Variants in SDK1 observed in about 807,000 individuals in gnomAD.
SDK1 encodes the protein protein sidekick-1.
Under a neutral mutation model 245.5 loss-of-function variants are expected in SDK1, and 157 were observed. That is an observed-to-expected ratio of 0.64 (90% CI 0.56 to 0.73). SDK1 has a LOEUF of 0.73. Among genes scored for constraint, SDK1 ranks in the 30% least tolerant of loss-of-function variants. The pLI is 0.00. For synonymous variants in SDK1, 1,647 were observed against 1,278.5 expected (o/e 1.29, Z -6.15); for missense variants, 3,583 against 3,002.3 (o/e 1.19, Z -4.52).
intron 7 of SDK1, among the ~76,000 whole-genome samples, chr7:3,956,486 C>T (rs1033968105): frequency 2.6e-5 from 4 of 152,176 alleles, no homozygotes; most frequent in Admixed American, 1.3e-4. Flanking sequence ...TCAGAGGCCA[C>T]GCAGGGCATG....
intron 1 of SDK1, among the ~76,000 whole-genome samples, chr7:3,448,464 A>AT (rs35472888): frequency 0.024 from 3,625 of 150,456 alleles, 74 homozygotes; most frequent in African/African-American, 0.048. Flanking sequence ...GGTTTAGGGT[A>AT]TTTTTTTTTG....
At chr7:3,496,707 C>T (rs564912540) in intron 1 of SDK1, among the ~76,000 whole-genome samples, 7 of 152,056 alleles carry the variant, frequency 4.6e-5, no homozygotes, top group South Asian at 2.1e-4. Context: ...GTCTGTGTTC[C>T]GACTACTTTA....
chr7:3,807,787 G>T (rs56316331), intron 4 of SDK1, among the ~76,000 whole-genome samples: 3 of 152,040 alleles, frequency 2.0e-5, no homozygotes, highest in African/African-American at 7.3e-5. Flanking sequence ...AGTCTTGATT[G>T]TTCATGTTCT....
chr7:4,170,228 C>T lies in SDK1; in HGVS notation c.4801-3994C>T, dbSNP rs536380277. ...TTTGAAAGAGCAGACTGCAGGATCA[C>T]CTAAGCCCAGTAGTTCGAGACCAGC... is the stretch of plus-strand genomic sequence containing the variant. On this transcript the variant is annotated intron_variant, in intron 32 of 44. Coordinates refer to ENST00000404826, the MANE Select transcript of SDK1 (RefSeq NM_152744.4). 1.3e-5 allele frequency among the ~76,000 whole-genome samples: 2 copies of T among 152,280 alleles called. 1 individual carries two copies. The highest frequency in any genetic ancestry group is 4.8e-5 in the African/African-American group (2 of 41,570).
chr7:3,350,977 G>C (rs58713621), intron 1 of SDK1, among the ~76,000 whole-genome samples: 9 of 152,082 alleles, frequency 5.9e-5, no homozygotes, highest in African/African-American at 2.2e-4. Context: ...ACATCTGGTT[G>C]CCCCAAGAAT....
intron 2 of SDK1, among the ~76,000 whole-genome samples, chr7:3,622,316 A>C (rs1055726314): frequency 1.3e-5 from 2 of 152,100 alleles, no homozygotes; most frequent in African/African-American, 2.4e-5. Flanking sequence ...CCCCATCTCT[A>C]CTAAAAATAC....
In SDK1 at chr7:3,305,307, T is replaced by C. The variant is rs185190284; in HGVS notation, c.298+3423T>C. Among the ~76,000 whole-genome samples the C allele has an allele frequency of 1.6e-4, 25 of 152,330 alleles. No individual in the cohort carries two copies. The East Asian group carries it at 4.6e-3, about 28-fold the overall frequency. ...ATGCATTTAAAAACTCCTCAAGTGA[T>C]TCTTGTATGTTTGTGTTACTTTTTT... On this transcript the variant is annotated intron_variant, in intron 1 of 44. Coordinates refer to ENST00000404826, the MANE Select transcript of SDK1 (RefSeq NM_152744.4).
intron 1 of SDK1, among the ~76,000 whole-genome samples, chr7:3,424,981 A>G (rs1301812491): frequency 6.6e-6 from 1 of 152,188 alleles, no homozygotes; most frequent in Non-Finnish European, 1.5e-5. Context: ...TTGAAGTAGC[A>G]GGGCTGACCA....
intron 1 of SDK1, among the ~76,000 whole-genome samples, chr7:3,499,714 A>T (rs1004719373): frequency 6.6e-6 from 1 of 152,204 alleles, no homozygotes; most frequent in African/African-American, 2.4e-5. Flanking sequence ...AACGGAGCTG[A>T]GTCTGGGTCA....
intron 4 of SDK1, among the ~76,000 whole-genome samples, chr7:3,699,508 T>C (rs1179749836): frequency 2.0e-5 from 3 of 152,162 alleles, no homozygotes; most frequent in African/African-American, 7.2e-5. Flanking sequence ...ATCTTGATGA[T>C]GTACTCAACA....
chr7:3,964,669 T>G (rs921997255), intron 9 of SDK1, among the ~76,000 whole-genome samples: 1 of 152,168 alleles, frequency 6.6e-6, no homozygotes, highest in African/African-American at 2.4e-5. Context: ...TGAAGTAGAA[T>G]CTAGTGATTA....
intron 1 of SDK1, among the ~76,000 whole-genome samples, chr7:3,541,594 C>T (rs990930384): frequency 1.3e-5 from 2 of 152,208 alleles, no homozygotes; most frequent in African/African-American, 2.4e-5. Context: ...TTATATATAA[C>T]TATGGATATG....
At chr7:3,739,614 A>C (rs2115050564) in intron 4 of SDK1, among the ~76,000 whole-genome samples, 1 of 152,352 alleles carries the variant, frequency 6.6e-6, no homozygotes, top group South Asian at 2.1e-4. Context: ...AACCAAAATT[A>C]ATACTTTTAA....
intron 1 of SDK1, among the ~76,000 whole-genome samples, chr7:3,311,404 G>A (rs1241611045): frequency 6.6e-6 from 1 of 152,112 alleles, no homozygotes; most frequent in Non-Finnish European, 1.5e-5. Context: ...GGAGTATAAA[G>A]TAGATTGAAG....
intron 4 of SDK1, among the ~76,000 whole-genome samples, chr7:3,669,987 C>G (rs976713211): frequency 1.2e-4 from 18 of 152,294 alleles, no homozygotes; most frequent in African/African-American, 2.2e-4. Context: ...TTCTTTTTCT[C>G]TTCCACCACA....
intron 5 of SDK1, among the ~76,000 whole-genome samples, chr7:3,850,796 G>A (rs1045149958): frequency 6.7e-6 from 1 of 149,862 alleles, no homozygotes; most frequent in African/African-American, 2.5e-5. Context: ...CTCATAGGTG[G>A]GAATTGAACA....
intron 5 of SDK1, among the ~76,000 whole-genome samples, chr7:3,901,834 C>T (rs866771406): frequency 6.6e-6 from 1 of 152,114 alleles, no homozygotes; most frequent in Non-Finnish European, 1.5e-5. Flanking sequence ...ATTTCCATTC[C>T]TTTTTTTAGG....
At chr7:4,108,068 G>A (rs1401021828) in intron 22 of SDK1, among the ~76,000 whole-genome samples, 3 of 152,190 alleles carry the variant, frequency 2.0e-5, no homozygotes, top group African/African-American at 7.2e-5. Flanking sequence ...CGGGGCCAGA[G>A]CTTTCAAGCC....
chr7:4,174,095 C>G (rs1782021713), intron 32 of SDK1, 127 bp from the exon 33 acceptor site: 3 of 967,458 alleles, frequency 3.1e-6, no homozygotes, highest in Non-Finnish European at 3.2e-6. Flanking sequence ...AATCTGACAC[C>G]TGTCGCTGGA....
Sources: gnomAD v4.1 joint callset for allele counts (sites outside exome capture counted in the v4.1 genomes callset) on GRCh38, gnomAD v4.1.1 for gene constraint, MANE v1.5 for transcripts, NCBI Gene and HGNC (gene_info 2026-07-23, HGNC 2026-07-21) for gene names.